OGT: variants seen among roughly 807,000 people sequenced by gnomAD.
OGT encodes the protein O-linked N-acetylglucosamine (GlcNAc) transferase, also known as UDP-N-acetylglucosamine--peptide N-acetylglucosaminyltransferase 110 kDa subunit.
Under a neutral mutation model 75.8 loss-of-function variants are expected in OGT, and 3 were observed. That is an observed-to-expected ratio of 0.04 (90% confidence interval 0.02 to 0.10). The LOEUF is 0.10. Ranked by LOEUF, OGT falls within the 10% of genes least tolerant of loss-of-function variation. The probability of loss-of-function intolerance (pLI) is 1.00; values close to 1 mark genes in which losing one functional copy is unlikely to be tolerated. For missense variants in OGT, 260 were observed against 824.4 expected (o/e 0.32, Z 8.38); for synonymous variants, 257 against 289.7 (o/e 0.89, Z 1.15).
At chrX:71,551,467 A>T (rs2040303523) in intron 5 of OGT, among the ~76,000 whole-genome samples, 1 of 111,584 alleles carries the variant, frequency 9.0e-6, no homozygotes, top group African/African-American at 3.3e-5. Flanking sequence ...CCCCATCTCT[A>T]CTAAAAATAC....
chrX:71,533,488 C>T, intron 1 of OGT, 152 bp downstream of exon 1: 2 of 521,574 alleles, frequency 3.8e-6, no homozygotes, highest in East Asian at 3.7e-5. Flanking sequence ...CATCTGATCA[C>T]ATCGGGTTTT....
At chrX:71,567,970 A>G in intron 20 of OGT, 23 bp from the exon 21 acceptor site, 1 of 1,199,118 alleles carries the variant, frequency 8.3e-7, no homozygotes, top group South Asian at 1.8e-5. Context: ...TCAGATGTGC[A>G]GTTGTTATCT....
intron 2 of OGT, among the ~76,000 whole-genome samples, chrX:71,537,460 C>T (rs553044203): frequency 9.0e-6 from 1 of 110,878 alleles, no homozygotes; most frequent in East Asian, 2.8e-4. Context: ...TGCCATCATG[C>T]GTGGCTAAAT....
intron 1 of OGT, 129 bp downstream of exon 1, chrX:71,533,465 C>A: frequency 1.6e-6 from 1 of 618,187 alleles, no homozygotes; most frequent in South Asian, 2.6e-5. Flanking sequence ...CTAAGCTTTT[C>A]GTGGTCTACT....
intron 4 of OGT, 180 bp from the exon 5 acceptor site, chrX:71,547,727 C>T: frequency 9.3e-7 from 1 of 1,078,026 alleles, no homozygotes; most frequent in Admixed American, 3.9e-5. Context: ...GCTGTGGCAG[C>T]GCATTAGTTT....
intron 2 of OGT, 100 bp downstream of exon 2, chrX:71,536,458 G>C: frequency 1.3e-5 from 9 of 700,821 alleles, no homozygotes; most frequent in Non-Finnish European, 1.8e-5. Flanking sequence ...TCCAGTACCG[G>C]GTTTCAACTG....
intron 21 of OGT, among the ~76,000 whole-genome samples, chrX:71,571,036 A>G (rs771212889): frequency 1.7e-4 from 18 of 107,962 alleles, no homozygotes; most frequent in Non-Finnish European, 2.9e-4. Flanking sequence ...CCTGGGCCCA[A>G]GCAGTCCACC....
At chrX:71,556,325 T>C (rs1278014977) in intron 8 of OGT, 5 of 399,233 alleles carry the variant, frequency 1.3e-5, no homozygotes, top group Non-Finnish European at 4.3e-6. Flanking sequence ...TACAAAAAAA[T>C]TAAACATTAA....
intron 1 of OGT, chrX:71,534,272 T>C (rs1233604274): frequency 6.3e-5 from 7 of 111,407 alleles, no homozygotes; most frequent in Non-Finnish European, 1.9e-5. Context: ...TAATATTCTT[T>C]TAAGTTTCCA....
At chrX:71,554,845 G>A (rs1222632657) in intron 6 of OGT, among the ~76,000 whole-genome samples, 1 of 111,813 alleles carries the variant, frequency 8.9e-6, no homozygotes, top group African/African-American at 3.3e-5. Context: ...TGTTAAAATG[G>A]TTGAAATGAT....
intron 3 of OGT, among the ~76,000 whole-genome samples, chrX:71,541,653 A>T (rs1188097261): frequency 8.9e-6 from 1 of 111,858 alleles, no homozygotes; most frequent in Non-Finnish European, 1.9e-5. Flanking sequence ...GTCAAGTAGT[A>T]ACAAGAAGTG....
chrX:71,544,798 G>C (rs2040248290), intron 4 of OGT, 163 bp downstream of exon 4: 1 of 454,362 alleles, frequency 2.2e-6, no homozygotes, highest in East Asian at 3.7e-5. Context: ...CCAGGCTTTG[G>C]CATATCTGTT....
At chrX:71,563,535 C>CA in intron 18 of OGT, 36 bp downstream of exon 18, 1 of 1,060,381 alleles carries the variant, frequency 9.4e-7, no homozygotes. Flanking sequence ...TATGTCCCGC[C>CA]AAGTATGCAT....
At chrX:71,568,776 C>T (rs2040432306) in intron 21 of OGT, among the ~76,000 whole-genome samples, 1 of 108,816 alleles carries the variant, frequency 9.2e-6, no homozygotes, top group South Asian at 4.0e-4. Flanking sequence ...TGCAGTGAGC[C>T]GAGATCGCAC....
intron 9 of OGT, 49 bp downstream of exon 9, chrX:71,556,829 A>G: frequency 9.6e-7 from 1 of 1,041,023 alleles, no homozygotes; most frequent in Non-Finnish European, 1.3e-6. Context: ...TAATTTTAAA[A>G]TGTTTGACAT....
At chrX:71,545,104 C>T (rs1270342914) in intron 4 of OGT, 1 of 115,982 alleles carries the variant, frequency 8.6e-6, no homozygotes, top group Admixed American at 8.8e-5. Flanking sequence ...CTTATTTAAC[C>T]TTCCTCCCTT....
intron 1 of OGT, among the ~76,000 whole-genome samples, chrX:71,533,758 C>T (rs754410753): frequency 1.8e-5 from 2 of 109,570 alleles, no homozygotes; most frequent in Non-Finnish European, 3.8e-5. Context: ...ATCTCCCCCC[C>T]CAGTCTTTTC....
chrX:71,558,716 A>T (rs185320898), intron 12 of OGT, among the ~76,000 whole-genome samples: 1 of 104,823 alleles, frequency 9.5e-6, no homozygotes, highest in Admixed American at 1.0e-4. Context: ...GGAGGAAACC[A>T]TGCTCTGTCC....
In OGT at chrX:71,547,896, C is replaced by T. The variant is rs1387903106; in HGVS notation, c.532-11C>T. The T allele has an allele frequency of 9.5e-7, 1 of 1,054,119 alleles. No individual in the cohort carries two copies. The highest frequency in any genetic ancestry group is 2.5e-5 in the Admixed American group (1 of 39,829). The allele number at this position is 1,054,119 out of a possible 1,213,427, so 86.9% of individuals were successfully genotyped here. A position where few individuals can be genotyped will look rare whatever the true frequency, so the allele number is the denominator to read the frequency against. On this transcript the variant is annotated splice_polypyrimidine_tract_variant and intron_variant, in intron 4 of 21. Coordinates refer to ENST00000373719, the MANE Select transcript of OGT (RefSeq NM_181672.3). ...TTTCCCTCCCATCTTCTTTCATTAA[C>T]CCCTCCTAAGGCATGTTATTTGAAA...
Sources: gnomAD v4.1 joint callset for allele counts (sites outside exome capture counted in the v4.1 genomes callset) on GRCh38, gnomAD v4.1.1 for gene constraint, MANE v1.5 for transcripts, NCBI Gene and HGNC (gene_info 2026-07-23, HGNC 2026-07-21) for gene names.